Variants in TRIP4 observed in about 807,000 individuals in gnomAD.
TRIP4 encodes activating signal cointegrator 1.
In TRIP4, 54 loss-of-function variants were observed where a neutral mutation model predicts 81.8. The observed-to-expected ratio is 0.66, with a 90% CI of 0.53 to 0.83. TRIP4 has a LOEUF of 0.83. TRIP4 is among the 40% of genes least tolerant of loss of function. The pLI is 0.00. For missense variants in TRIP4, 662 were observed against 683.6 expected (o/e 0.97, Z 0.35); for synonymous variants, 270 against 242.8 (o/e 1.11, Z -1.04).
intron 8 of TRIP4, among the ~76,000 whole-genome samples, chr15:64,416,843 T>C (rs1369667106): frequency 2.0e-5 from 3 of 152,182 alleles, no homozygotes; most frequent in Non-Finnish European, 4.4e-5. Flanking sequence ...TTTTAAGATA[T>C]GCCACAATTG....
intron 12 of TRIP4, among the ~76,000 whole-genome samples, chr15:64,451,178 T>A (rs972615816): frequency 1.3e-5 from 2 of 152,064 alleles, no homozygotes; most frequent in Admixed American, 6.6e-5. Context: ...ACTGGTGAGA[T>A]CTCAGCTCAC....
intron 11 of TRIP4, among the ~76,000 whole-genome samples, chr15:64,443,724 T>C (rs922351043): frequency 1.3e-5 from 2 of 152,160 alleles, no homozygotes; most frequent in African/African-American, 2.4e-5. Context: ...ATAGTTAATA[T>C]TAAGTTTGTT....
At chr15:64,454,477 G>A (rs986341166) in intron 12 of TRIP4, among the ~76,000 whole-genome samples, 2 of 152,158 alleles carry the variant, frequency 1.3e-5, no homozygotes, top group Admixed American at 6.5e-5. Context: ...CTTAGCTGGT[G>A]ATAGGGGCCC....
At chr15:64,393,390 C>T (rs1362159532) in intron 1 of TRIP4, 4 of 151,554 alleles carry the variant, frequency 2.6e-5, no homozygotes, top group African/African-American at 9.7e-5. Flanking sequence ...ATCTCCTGAC[C>T]TGGTGATCCG....
Position 64,424,105 on chromosome 15 carries a change from C to T in TRIP4, c.1433C>T (p.Pro478Leu), listed in dbSNP as rs1267965771. 3 of 1,614,188 alleles carry T rather than the reference C, an allele frequency of 1.9e-6. No individual in the cohort carries two copies. The highest frequency in any genetic ancestry group is 1.6e-4 in the Middle Eastern group (1 of 6,062). ...WIAATAKKPS[P>L]QEVSELQATY... The stretch of plus-strand genomic sequence containing the variant: ...GCAGCCACAGCTAAAAAACCCTCCC[C>T]TCAAGAAGTCTCAGAACTCCAGGCT... The change falls in exon 10 of 13, where the codon CCT becomes CTT. Residue 478 changes from proline (P) to leucine (L), a missense_variant. Transcript: ENST00000261884.
In TRIP4 at chr15:64,409,499, TGA is replaced by T. The variant is rs560430145; in HGVS notation, c.828-113_828-112del. 714 of 962,928 alleles carry T rather than the reference TGA, an allele frequency of 7.4e-4. 1 individual carries two copies. The African/African-American group carries it at 1.0e-2, about 13-fold the overall frequency. The allele number at this position is 962,928 out of a possible 1,614,324, so 59.6% of individuals were successfully genotyped here. On this transcript the variant is annotated intron_variant, in intron 6 of 12. Transcript: ENST00000261884. ...CTGGAGATAAAACATATGCAGAGCT[TGA>T]CCTGATTTTGGAACATATTTGAGAT... is the stretch of plus-strand genomic sequence containing the variant.
chr15:64,432,806 G>C (rs1031052011), intron 11 of TRIP4, among the ~76,000 whole-genome samples: 9 of 151,656 alleles, frequency 5.9e-5, no homozygotes, highest in African/African-American at 2.2e-4. Context: ...AGCTACTCGG[G>C]AGGCTGAGGC....
At chr15:64,402,020 A>C (rs1279769826) in intron 5 of TRIP4, among the ~76,000 whole-genome samples, 1 of 152,174 alleles carries the variant, frequency 6.6e-6, no homozygotes, top group Non-Finnish European at 1.5e-5. Context: ...ATTAATGGGA[A>C]AAAAATGTTA....
chr15:64,433,775 C>G (rs1892329177), intron 11 of TRIP4, among the ~76,000 whole-genome samples: 1 of 152,114 alleles, frequency 6.6e-6, no homozygotes, highest in Non-Finnish European at 1.5e-5. Flanking sequence ...AATGGCAAAC[C>G]AGTTCATTGA....
At chr15:64,433,802 T>C (rs1892330157) in intron 11 of TRIP4, among the ~76,000 whole-genome samples, 2 of 152,128 alleles carry the variant, frequency 1.3e-5, no homozygotes, top group Non-Finnish European at 2.9e-5. Flanking sequence ...AGTGTGAGTA[T>C]AGAGCAAGCT....
chr15:64,390,460 C>CA (rs141752018), intron 1 of TRIP4, among the ~76,000 whole-genome samples: 7,116 of 122,900 alleles, frequency 0.058, 221 homozygotes, highest in South Asian at 0.097. Flanking sequence ...GACCTCGTCT[C>CA]AAAAAAAAAA....
intron 5 of TRIP4, among the ~76,000 whole-genome samples, chr15:64,402,764 G>A (rs1286666675): frequency 1.3e-5 from 2 of 151,936 alleles, no homozygotes; most frequent in African/African-American, 2.4e-5. Flanking sequence ...GACCTCAGAT[G>A]ATCTGCCCAC....
In TRIP4 at chr15:64,435,541, A is replaced by T. The variant is rs748057419; in HGVS notation, c.1576-9465A>T. On this transcript the variant is annotated intron_variant, in intron 11 of 12. Coordinates refer to ENST00000261884, the MANE Select transcript of TRIP4 (RefSeq NM_016213.5). ...ACTCTGTCTCAAAAAAAAAAAAAAA[A>T]ATATTATTATTGCTTAGGATATTAT... is the stretch of plus-strand genomic sequence containing the variant. 2.3e-3 allele frequency among the ~76,000 whole-genome samples: 352 copies of T among 150,084 alleles called. 3 individuals carry two copies. The highest frequency in any genetic ancestry group is 0.017 in the East Asian group (89 of 5,136).
At chr15:64,439,415 A>G (rs919078555) in intron 11 of TRIP4, among the ~76,000 whole-genome samples, 1 of 151,668 alleles carries the variant, frequency 6.6e-6, no homozygotes, top group Non-Finnish European at 1.5e-5. Context: ...CTCAAAATTC[A>G]GACCAAGAAT....
chr15:64,450,027 T>G (rs1387240371), intron 12 of TRIP4, among the ~76,000 whole-genome samples: 1 of 152,130 alleles, frequency 6.6e-6, no homozygotes, highest in Admixed American at 6.6e-5. Context: ...ATACAGAAAC[T>G]AAGTGTTACA....
At chr15:64,400,456 A>T (rs12899002) in intron 4 of TRIP4, among the ~76,000 whole-genome samples, 1 of 149,826 alleles carries the variant, frequency 6.7e-6, no homozygotes, top group Non-Finnish European at 1.5e-5. Flanking sequence ...TTACAGTCAT[A>T]AGCCACTGTG....
At position 64,431,847 on chromosome 15, in the gene TRIP4, A is replaced by ATTTTTTT. The variant is rs1555411171; in HGVS notation, c.1575+6218_1575+6224dup. Among the ~76,000 whole-genome samples the ATTTTTTT allele has an allele frequency of 9.7e-3, 1,156 of 119,530 alleles. 14 individuals carry two copies. Among genetic ancestry groups the ATTTTTTT allele is most frequent in the South Asian group, 0.026 (103 of 4,010 alleles). 78.4% of individuals were successfully genotyped at this position (119,530 alleles called of 152,430 possible). ...CCATTTATATTATATATATATATAT[A>ATTTTTTT]TTTTTTTTATCCAAAGAGCATTGTG... On this transcript the variant is annotated intron_variant, in intron 11 of 12. Coordinates refer to ENST00000261884, the MANE Select transcript of TRIP4 (RefSeq NM_016213.5).
intron 8 of TRIP4, among the ~76,000 whole-genome samples, chr15:64,415,236 A>G (rs919331828): frequency 6.6e-6 from 1 of 152,202 alleles, no homozygotes; most frequent in Non-Finnish European, 1.5e-5. Context: ...CAAGCACACA[A>G]ATCTGGAGAG....
Position 64,400,797 on chromosome 15 carries a change from A to G in TRIP4, c.673A>G (p.Lys225Glu). ...ACAGCGTGACTCAAACAAGAGCCAG[A>G]AACTGCTAAAGAAACTCATGTCAGG... is the stretch of plus-strand genomic sequence containing the variant. ...ILQRDSNKSQ[K>E]LLKKLMSGVE... Residue 225 changes from lysine to glutamate, a missense_variant, in exon 5 of 13, where the codon AAA (lysine) becomes GAA (glutamate). Coordinates refer to ENST00000261884, the MANE Select transcript of TRIP4 (RefSeq NM_016213.5). 1.2e-6 allele frequency: 2 copies of G among 1,614,144 alleles called. No individual in the cohort carries two copies. The highest frequency in any genetic ancestry group is 1.7e-6 in the Non-Finnish European group (2 of 1,179,998).
Sources: allele counts gnomAD v4.1 joint callset (sites outside exome capture counted in the v4.1 genomes callset), GRCh38; gene constraint gnomAD v4.1.1; transcripts MANE v1.5; gene names NCBI Gene and HGNC (gene_info 2026-07-23, HGNC 2026-07-21).